Variants in NIPSNAP1 observed in about 807,000 individuals in gnomAD.
NIPSNAP1 encodes protein NipSnap homolog 1.
In NIPSNAP1, 25 loss-of-function variants were observed where a neutral mutation model predicts 49.2. The observed-to-expected ratio is 0.51, with a 90% CI of 0.37 to 0.71. The LOEUF (loss-of-function observed/expected upper bound fraction) is 0.71. Among genes scored for constraint, NIPSNAP1 ranks in the 30% least tolerant of loss-of-function variants. The pLI is 0.00. For synonymous variants in NIPSNAP1, 143 were observed against 140.7 expected (o/e 1.02, Z -0.12); for missense variants, 294 against 361.0 (o/e 0.81, Z 1.50).
Position 29,561,638 on chromosome 22 carries a change from C to T in NIPSNAP1, c.447G>A (p.Leu149=), listed in dbSNP as rs1357780979. Residue 149 remains leucine, a synonymous_variant, in exon 6 of 10, where the codon CTG becomes CTA. Coordinates refer to ENST00000216121, the MANE Select transcript of NIPSNAP1 (RefSeq NM_003634.4). ...MNKLKNNKEY[L]EFRRERSQML... Reference sequence around the variant, plus strand: ...TCTGGCTCCGCTCCCTTCGGAACTCCAGGTACTCCTGTGGGCATGGTGGTA... The same window carrying T: ...TCTGGCTCCGCTCCCTTCGGAACTCTAGGTACTCCTGTGGGCATGGTGGTA... 1 of 1,613,942 alleles carries T rather than the reference C, an allele frequency of 6.2e-7. No homozygotes were observed. The highest frequency in any genetic ancestry group is 8.5e-7 in the Non-Finnish European group (1 of 1,180,034).
At position 29,561,509 on chromosome 22, in the gene NIPSNAP1, G is replaced by C. The variant is rs940586220; in HGVS notation, c.576C>G (p.Leu192=). 1 of 1,614,062 alleles carries C rather than the reference G, an allele frequency of 6.2e-7. No homozygotes were observed. The highest frequency in any genetic ancestry group is 1.7e-5 in the Admixed American group (1 of 60,010). The change falls in exon 6 of 10, where the codon CTC becomes CTG. Residue 192 remains leucine, a synonymous_variant. Transcript: ENST00000216121. ...PNIYELRTYK[L]KPGTMIEWGN... ...GGGGTCTGTCGGAGGGAGGCACCTT[G>C]AGCTTGTATGTCCTCAGCTCATAGA...
intron 2 of NIPSNAP1, 32 bp from the exon 3 acceptor site, chr22:29,570,239 G>A: frequency 6.2e-7 from 1 of 1,612,672 alleles, no homozygotes; most frequent in Admixed American, 1.7e-5. Flanking sequence ...AAGAAGTGAG[G>A]TAGGGTGTGT....
intron 1 of NIPSNAP1, chr22:29,580,368 G>T: frequency 1.4e-6 from 1 of 710,528 alleles, no homozygotes; most frequent in Non-Finnish European, 1.7e-6. Flanking sequence ...AGAGCACATG[G>T]CCCAGCCAGA....
At chr22:29,569,039 A>G (rs1488790378) in intron 4 of NIPSNAP1, among the ~76,000 whole-genome samples, 154 bp downstream of exon 4, 1 of 152,096 alleles carries the variant, frequency 6.6e-6, no homozygotes, top group Admixed American at 6.6e-5. Flanking sequence ...GGGAGCCAGG[A>G]CAGGTATTTG....
chr22:29,561,471 TGGG>T, intron 6 of NIPSNAP1, 32 bp downstream of exon 6: 1 of 1,613,068 alleles, frequency 6.2e-7, no homozygotes, highest in South Asian at 1.1e-5. Flanking sequence ...GCAGGGAAAT[TGGG>T]GGGCAGGAGG....
At chr22:29,570,775 C>T (rs2064402432) in intron 1 of NIPSNAP1, among the ~76,000 whole-genome samples, 1 of 152,070 alleles carries the variant, frequency 6.6e-6, no homozygotes, top group East Asian at 1.9e-4. Context: ...AGAGGCAGCC[C>T]CACCTCCCAC....
intron 1 of NIPSNAP1, chr22:29,580,135 G>A: frequency 7.7e-7 from 1 of 1,304,138 alleles, no homozygotes; most frequent in Non-Finnish European, 1.0e-6. Context: ...ACACAGTCCT[G>A]AGCCCTCTGA....
intron 8 of NIPSNAP1, 72 bp from the exon 9 acceptor site, chr22:29,559,025 C>T (rs563572899): frequency 1.0e-5 from 11 of 1,069,886 alleles, no homozygotes; most frequent in Non-Finnish European, 1.0e-5. Flanking sequence ...GGGCCCTCTT[C>T]CCACTGTCCC....
intron 4 of NIPSNAP1, among the ~76,000 whole-genome samples, chr22:29,568,715 TG>T (rs2064385589): frequency 6.6e-6 from 1 of 151,750 alleles, no homozygotes; most frequent in Non-Finnish European, 1.5e-5. Context: ...TTGCTTAAAC[TG>T]GGGAGGCGGA....
Position 29,575,707 on chromosome 22 carries a change from GTTGTT to G in NIPSNAP1, c.99-5180_99-5176del, listed in dbSNP as rs1192182592. Among the ~76,000 whole-genome samples, 3 of 115,674 alleles carry G rather than the reference GTTGTT, an allele frequency of 2.6e-5. No homozygotes were observed. In the East Asian group the frequency reaches 1.3e-3, roughly 51 times the overall value. 75.9% of individuals were successfully genotyped at this position (115,674 alleles called of 152,430 possible). A position where few individuals can be genotyped will look rare whatever the true frequency, so the allele number is the denominator to read the frequency against. On this transcript the variant is annotated intron_variant, in intron 1 of 9. Coordinates refer to ENST00000216121, the MANE Select transcript of NIPSNAP1 (RefSeq NM_003634.4). ...AGGGAAGGATTGCTTGAACCCAGGA[GTTGTT>G]TTTTTTTTTTTGTTTTGTTTGAGAT...
chr22:29,563,142 T>C (rs1202224022), intron 4 of NIPSNAP1, among the ~76,000 whole-genome samples: 1 of 151,038 alleles, frequency 6.6e-6, no homozygotes, highest in African/African-American at 2.4e-5. Flanking sequence ...GGCACATGCC[T>C]ATAATCCCAG....
Position 29,577,328 on chromosome 22 carries a change from C to A in NIPSNAP1, c.98+3657G>T, listed in dbSNP as rs1393937832. Among the ~76,000 whole-genome samples, 3 of 151,352 alleles carry A rather than the reference C, an allele frequency of 2.0e-5. No individual in the cohort carries two copies. The East Asian group carries it at 5.8e-4, about 29-fold the overall frequency. On this transcript the variant is annotated intron_variant, in intron 1 of 9. Transcript: ENST00000216121. ...AGTGCAATGGCACGATCTCGGCTCA[C>A]TGCAACTTCCACCTCCCAGGTTCAA...
At chr22:29,569,971 G>A (rs560962591) in intron 3 of NIPSNAP1, 191 bp downstream of exon 3, 70 of 617,886 alleles carry the variant, frequency 1.1e-4, no homozygotes, top group Non-Finnish European at 1.8e-4. Flanking sequence ...CCTGGGCAAC[G>A]AGAGCAAAAC....
At chr22:29,568,600 C>T (rs2064384813) in intron 4 of NIPSNAP1, among the ~76,000 whole-genome samples, 1 of 152,074 alleles carries the variant, frequency 6.6e-6, no homozygotes, top group Non-Finnish European at 1.5e-5. Flanking sequence ...CAAGACCAGC[C>T]TGACCAACAT....
intron 9 of NIPSNAP1, 127 bp downstream of exon 9, chr22:29,558,743 T>G: frequency 5.2e-6 from 4 of 776,350 alleles, no homozygotes; most frequent in Middle Eastern, 2.9e-4. Context: ...AGAAACCCAT[T>G]AACTCATTGT....
chr22:29,556,450 G>C (rs112343892), intron 9 of NIPSNAP1, among the ~76,000 whole-genome samples: 8,537 of 151,876 alleles, frequency 0.056, 236 homozygotes, highest in African/African-American at 0.076. Flanking sequence ...CTTGAACCCG[G>C]GAGTCAGAGG....
intron 9 of NIPSNAP1, among the ~76,000 whole-genome samples, chr22:29,558,446 G>A (rs1000590172): frequency 1.3e-5 from 2 of 152,078 alleles, no homozygotes; most frequent in African/African-American, 4.8e-5. Context: ...TCCACCCTGG[G>A]TGACAGAGTG....
chr22:29,567,194 T>C (rs1220667895), intron 4 of NIPSNAP1, among the ~76,000 whole-genome samples: 4 of 152,160 alleles, frequency 2.6e-5, no homozygotes, highest in African/African-American at 9.7e-5. Flanking sequence ...TGGGTCTGAA[T>C]TTGAGGTCCC....
intron 3 of NIPSNAP1, 80 bp from the exon 4 acceptor site, chr22:29,569,367 C>T: frequency 9.4e-7 from 1 of 1,061,572 alleles, no homozygotes; most frequent in Non-Finnish European, 1.4e-6. Flanking sequence ...TCAGTTCAAA[C>T]AGACCCTGGG....
Sources: gnomAD v4.1 joint callset for allele counts (sites outside exome capture counted in the v4.1 genomes callset) on GRCh38, gnomAD v4.1.1 for gene constraint, MANE v1.5 for transcripts, NCBI Gene and HGNC (gene_info 2026-07-23, HGNC 2026-07-21) for gene names.